Variants in PLEC observed in about 807,000 individuals in gnomAD.
PLEC encodes plectin.
A neutral mutation model predicts 392.8 loss-of-function variants in PLEC; 216 were observed. That is an observed-to-expected ratio of 0.55 (90% CI 0.49 to 0.62). The LOEUF is 0.62. Among genes scored for constraint, PLEC ranks in the 20% least tolerant of loss-of-function variants. The pLI, the probability that PLEC is intolerant of heterozygous loss-of-function variation, is 0.00. For synonymous variants in PLEC, 3,621 were observed against 2,980.6 expected, an observed-to-expected ratio of 1.21 and a Z score of -7.00; for missense variants, 6,863 against 6,563.4, an observed-to-expected ratio of 1.05 and a Z score of -1.58.
chr8:143,938,506 G>A (rs146284990), intron 2 of PLEC, 125 bp downstream of exon 2: 19 of 1,561,896 alleles, frequency 1.2e-5, no homozygotes, highest in Middle Eastern at 3.3e-4. Flanking sequence ...GAAAATAACA[G>A]GTTTCAGAGA....
Position 143,916,181 on chromosome 8 carries a change from GC to G in PLEC, c.13639del (p.Ala4547ProfsTer28). On this transcript the variant is annotated frameshift_variant, in exon 32 of 32. Coordinates refer to ENST00000345136, the MANE Select transcript of PLEC (RefSeq NM_201384.3). LOFTEE classifies it high-confidence loss of function. ...ASLGGPESAV[A>X] Reference sequence around the variant, plus strand: ...GCGGGGTGGGCGCAGGCAGCCTCAGGCCACGGCAGACTCAGGGCCCCCCAGG... The same window carrying G: ...GCGGGGTGGGCGCAGGCAGCCTCAGGCACGGCAGACTCAGGGCCCCCCAGG... 1 of 1,539,368 alleles carries G rather than the reference GC, an allele frequency of 6.5e-7. No individual in the cohort carries two copies.
upstream of PLEC, chr8:143,975,048 G>GCCCTC: frequency 9.6e-7 from 1 of 1,043,560 alleles, no homozygotes; most frequent in Non-Finnish European, 1.4e-6. The surrounding 1 kb of genome is among the most constrained non-coding windows in gnomAD (Gnocchi z 9.9). Context: ...GACGCGCGAG[G>GCCCTC]CCCTCCGTGA....
intron 1 of PLEC, chr8:143,946,296 G>A (rs1391080652): frequency 1.6e-6 from 2 of 1,232,196 alleles, no homozygotes; most frequent in Admixed American, 2.3e-5. Context: ...TCTGCCAGAG[G>A]CGGCCCCGGC....
At chr8:143,926,117 C>T (rs984995255) in intron 30 of PLEC, among the ~76,000 whole-genome samples, 5 of 152,248 alleles carry the variant, frequency 3.3e-5, no homozygotes, top group African/African-American at 1.2e-4. Context: ...AGGCGTCCTC[C>T]CTGCTTCCCG....
At position 143,932,641 on chromosome 8, in the gene PLEC, C is replaced by G; in HGVS notation, c.1809G>C (p.Lys603Asn). 6.2e-7 allele frequency: 1 copy of G among 1,611,126 alleles called. No individual in the cohort carries two copies. The highest frequency in any genetic ancestry group is 8.5e-7 in the Non-Finnish European group (1 of 1,179,340). Reference protein sequence around the residue: ...CLGRLDLQYAKLLNSSKARLR... With the variant: ...CLGRLDLQYANLLNSSKARLR... ...TGGCCCTGCCCCCACTCACCAGCAG[C>G]TTGGCGTACTGCAGGTCCAGCCGAC... The change falls in exon 15 of 32, where the codon AAG (lysine) becomes AAC (asparagine). Residue 603 changes from lysine to asparagine, a missense_variant. Physicochemically the swap from Lys to Asn is moderately conservative, Grantham distance 94. Coordinates refer to ENST00000345136, the MANE Select transcript of PLEC (RefSeq NM_201384.3).
In PLEC at chr8:143,925,888, TGGC is replaced by T. The variant is rs1268581679; in HGVS notation, c.4045-7_4045-5del. On this transcript the variant is annotated splice_polypyrimidine_tract_variant and splice_region_variant and intron_variant, in intron 30 of 31. Transcript: ENST00000345136. ...CCCGCTGCTGCTCAGCCAGCCTCTG[TGGC>T]CACAGCAGAGAGAAGAAGAGAAGCA... The T allele has an allele frequency of 1.5e-5, 23 of 1,540,978 alleles. No individual in the cohort carries two copies. In the Admixed American group the frequency reaches 1.7e-4, roughly 12 times the overall value.
intron 5 of PLEC, 137 bp from the exon 6 acceptor site, chr8:143,936,151 C>G: frequency 1.1e-6 from 1 of 933,110 alleles, no homozygotes; most frequent in South Asian, 1.4e-5. Flanking sequence ...GCCAGGGCAG[C>G]ACCGGGCTCC....
At chr8:143,937,734 G>A (rs1829435973) in intron 3 of PLEC, 1 of 493,906 alleles carries the variant, frequency 2.0e-6, no homozygotes. Flanking sequence ...GCAGCCGGCA[G>A]GCACAGCCAC....
chr8:143,916,906 G>A lies in PLEC; in HGVS notation c.12915C>T (p.Asn4305=). ...TEAMHRNLVD[N]ITGQRLLEAQ... is the part of the protein sequence containing the mutation. ...CCTCCAGCAGCCGCTGCCCCGTGAT[G>A]TTATCCACCAGGTTCCGGTGCATGG... Residue 4305 remains asparagine (N), a synonymous_variant, in exon 32 of 32, where the codon AAC becomes AAT. Transcript: ENST00000345136. 1 of 1,612,874 alleles carries A rather than the reference G, an allele frequency of 6.2e-7. No individual in the cohort carries two copies. The highest frequency in any genetic ancestry group is 8.5e-7 in the Non-Finnish European group (1 of 1,179,950).
At chr8:143,962,050 G>T (rs1832893456) in intron 1 of PLEC, among the ~76,000 whole-genome samples, 1 of 152,160 alleles carries the variant, frequency 6.6e-6, no homozygotes, top group Non-Finnish European at 1.5e-5. Flanking sequence ...ACCAACTACT[G>T]CAGGATGGCT....
Position 143,935,094 on chromosome 8 carries a change from C to T in PLEC, c.742G>A (p.Glu248Lys), listed in dbSNP as rs1183038158. 3 of 1,612,816 alleles carry T rather than the reference C, an allele frequency of 1.9e-6. No individual in the cohort carries two copies. Among genetic ancestry groups the T allele is most frequent in the Non-Finnish European group, 2.5e-6 (3 of 1,179,966 alleles). Reference sequence around the variant, plus strand: ...GAGACGTAGGTGATGATGGACTTCTCGTCGGGCTGAGGGACATCCACGTCT... The same window carrying T: ...GAGACGTAGGTGATGATGGACTTCTTGTCGGGCTGAGGGACATCCACGTCT... ...PEDVDVPQPD[E>K]KSIITYVSSL... The change falls in exon 8 of 32, where the codon GAG (glutamate) becomes AAG (lysine). Residue 248 changes from glutamate (E) to lysine (K), a missense_variant. By Grantham distance (56) the Glu-to-Lys change is moderately conservative. Transcript: ENST00000345136.
intron 25 of PLEC, 127 bp downstream of exon 25, chr8:143,928,976 G>C: frequency 1.2e-6 from 1 of 862,580 alleles, no homozygotes; most frequent in Non-Finnish European, 1.8e-6. Context: ...TGGGCCTCCC[G>C]CCTCCTGGCC....
rs782227282 is a variant in PLEC at position 143,934,856 on chromosome 8, G to T, written c.899C>A (p.Ala300Asp). ...LLLQWMRHHT[A>D]AFEERRFPSS... is the part of the protein sequence containing the mutation. Reference sequence around the variant, plus strand: ...GGGGAACCTGCGTTCCTCAAAGGCGGCCGTGTGGTGTCGCATCCACTGAAG... The same window carrying T: ...GGGGAACCTGCGTTCCTCAAAGGCGTCCGTGTGGTGTCGCATCCACTGAAG... The change falls in exon 9 of 32, where the codon GCC becomes GAC. Residue 300 changes from alanine to aspartate, a missense_variant. Physicochemically the swap from Ala to Asp is moderately radical, Grantham distance 126 (BLOSUM62 -2). Coordinates refer to ENST00000345136, the MANE Select transcript of PLEC (RefSeq NM_201384.3). The T allele has an allele frequency of 6.2e-7, 1 of 1,611,336 alleles. No homozygotes were observed. Among genetic ancestry groups the T allele is most frequent in the African/African-American group, 1.3e-5 (1 of 75,046 alleles).
intron 1 of PLEC, among the ~76,000 whole-genome samples, chr8:143,967,915 G>T (rs1002452567): frequency 1.3e-5 from 2 of 152,108 alleles, no homozygotes; most frequent in South Asian, 2.1e-4. Context: ...CTTACTTGAG[G>T]TCAGGAGTTC....
In PLEC at chr8:143,929,849, C is replaced by T; in HGVS notation, c.2740-20G>A. 6.2e-7 allele frequency: 1 copy of T among 1,600,130 alleles called. No homozygotes were observed. The highest frequency in any genetic ancestry group is 8.5e-7 in the Non-Finnish European group (1 of 1,178,764). ...GCGGAACTGGGGGAAGCACGTGGGG[C>T]TGAGTGCCGGGCGAGGCGGCCGTGC... On this transcript the variant is annotated intron_variant, in intron 22 of 31. Coordinates refer to ENST00000345136, the MANE Select transcript of PLEC (RefSeq NM_201384.3).
In PLEC at chr8:143,918,902, TAGG is replaced by T. The variant is rs1400392293; in HGVS notation, c.10916_10918del (p.Ser3639del). ...CGTGAGGCGGCGGCGCACGTAGTCG[TAGG>T]AGGCCAGACCCTGCTGGCGGATGAT... On this transcript the variant is annotated inframe_deletion, in exon 32 of 32. Coordinates refer to ENST00000345136, the MANE Select transcript of PLEC (RefSeq NM_201384.3). 4 of 1,611,522 alleles carry T rather than the reference TAGG, an allele frequency of 2.5e-6. No homozygotes were observed. The highest frequency in any genetic ancestry group is 1.3e-5 in the African/African-American group (1 of 74,920).
rs1554719250 is a variant in PLEC, at chr8:143,933,279, C to T, written c.1336G>A (p.Asp446Asn). ...TTGAAGAGCAGCCGGATCATGCTAT[C>T]CGCCTTGTCCAAGTCCCGTTCCACC... Reference protein sequence around the residue: ...GEVERDLDKADSMIRLLFNDV... With the variant: ...GEVERDLDKANSMIRLLFNDV... The change falls in exon 13 of 32, where the codon GAT (aspartate) becomes AAT (asparagine). Residue 446 changes from aspartate to asparagine, a missense_variant. By Grantham distance (23) the Asp-to-Asn change is conservative. Coordinates refer to ENST00000345136, the MANE Select transcript of PLEC (RefSeq NM_201384.3). The T allele has an allele frequency of 6.2e-7, 1 of 1,613,214 alleles. No individual in the cohort carries two copies. Among genetic ancestry groups the T allele is most frequent in the Non-Finnish European group, 8.5e-7 (1 of 1,179,974 alleles).
Position 143,969,205 on chromosome 8 carries a change from G to A in PLEC, c.70+4198C>T, listed in dbSNP as rs1004138287. ...GAGGGTGAGGTGCTGATGGCGCGGCGATGTGAGCAGCCCTGACAGCGTCCC... is the reference window on the plus strand; with the variant it reads ...GAGGGTGAGGTGCTGATGGCGCGGCAATGTGAGCAGCCCTGACAGCGTCCC... On this transcript the variant is annotated intron_variant, in intron 1 of 31. Transcript: ENST00000356346. This position sits in a 1 kb window ranked among gnomAD's most constrained non-coding sequence, Gnocchi z 5.1. Among the ~76,000 whole-genome samples the A allele has an allele frequency of 2.0e-5, 3 of 152,182 alleles. No homozygotes were observed. The highest frequency in any genetic ancestry group is 2.4e-5 in the African/African-American group (1 of 41,442).
Position 143,932,791 on chromosome 8 carries a change from A to G in PLEC, c.1737+2T>C, listed in dbSNP as rs1655299598. 1 of 1,611,222 alleles carries G rather than the reference A, an allele frequency of 6.2e-7. No individual in the cohort carries two copies. The highest frequency in any genetic ancestry group is 1.3e-5 in the African/African-American group (1 of 74,540). On this transcript the variant is annotated splice_donor_variant, in intron 14 of 31. Coordinates refer to ENST00000345136, the MANE Select transcript of PLEC (RefSeq NM_201384.3). LOFTEE classifies it high-confidence loss of function. ...CACTGCCCATCGCTCAGCGCCACCC[A>G]CCTCGTCACTCCGTGCCCGCTCGAT...
Sources: allele counts gnomAD v4.1 joint callset (sites outside exome capture counted in the v4.1 genomes callset), GRCh38; gene constraint gnomAD v4.1.1; non-coding constraint Gnocchi (gnomAD v3.1); transcripts MANE v1.5; gene names NCBI Gene and HGNC (gene_info 2026-07-23, HGNC 2026-07-21).